RCAN2: variants seen among roughly 807,000 people sequenced by gnomAD.
RCAN2 encodes the protein calcipressin-2.
Under a neutral mutation model 23.6 loss-of-function variants are expected in RCAN2, and 9 were observed. That is an observed-to-expected ratio of 0.38 (90% CI 0.23 to 0.67). The LOEUF (loss-of-function observed/expected upper bound fraction) is 0.67. Among genes scored for constraint, RCAN2 ranks in the 30% least tolerant of loss-of-function variants. RCAN2 has a pLI of 0.51. For synonymous variants in RCAN2, 109 were observed against 115.7 expected (o/e 0.94, Z 0.37); for missense variants, 273 against 302.3 (o/e 0.90, Z 0.72).
At chr6:46,341,837 C>G (rs1764328033) in intron 2 of RCAN2, among the ~76,000 whole-genome samples, 1 of 152,054 alleles carries the variant, frequency 6.6e-6, no homozygotes, top group South Asian at 2.1e-4. Context: ...AGTCCTATAT[C>G]TTTTTTTATT....
chr6:46,412,422 G>T (rs1346535510), intron 2 of RCAN2, among the ~76,000 whole-genome samples: 1 of 152,092 alleles, frequency 6.6e-6, no homozygotes, highest in East Asian at 1.9e-4. Flanking sequence ...ATTGTGGGGG[G>T]CATCATTGGC....
At chr6:46,228,730 A>G (rs1765769489) in intron 4 of RCAN2, among the ~76,000 whole-genome samples, 1 of 152,060 alleles carries the variant, frequency 6.6e-6, no homozygotes, top group Non-Finnish European at 1.5e-5. Flanking sequence ...TCTTTATCCA[A>G]TTTGCCAGTC....
chr6:46,249,747 G>C (rs745723580), intron 2 of RCAN2, among the ~76,000 whole-genome samples: 3 of 152,042 alleles, frequency 2.0e-5, no homozygotes, highest in Non-Finnish European at 4.4e-5. Context: ...GAAAGCCCTC[G>C]AGTAATTTTT....
chr6:46,332,442 A>T (rs1201041425), intron 2 of RCAN2, among the ~76,000 whole-genome samples: 17 of 148,030 alleles, frequency 1.1e-4, no homozygotes, highest in Non-Finnish European at 1.6e-4. Flanking sequence ...TATATCTCCT[A>T]AAGTTATCCC....
intron 1 of RCAN2, among the ~76,000 whole-genome samples, chr6:46,477,153 A>G (rs1356550268): frequency 1.3e-5 from 2 of 152,198 alleles, no homozygotes; most frequent in Non-Finnish European, 2.9e-5. Context: ...GCTGTTCATC[A>G]TGTCCTTTAG....
At chr6:46,355,293 G>T (rs953355026) in intron 2 of RCAN2, among the ~76,000 whole-genome samples, 1 of 152,150 alleles carries the variant, frequency 6.6e-6, no homozygotes, top group Non-Finnish European at 1.5e-5. Flanking sequence ...TCCCCCATAG[G>T]AAGATGCAGA....
intron 1 of RCAN2, among the ~76,000 whole-genome samples, chr6:46,469,993 C>A (rs1193975197): frequency 6.6e-6 from 1 of 152,180 alleles, no homozygotes; most frequent in African/African-American, 2.4e-5. Context: ...CTTGGACTTC[C>A]TTGATCTTGG....
chr6:46,393,352 T>C (rs1471267250), intron 2 of RCAN2, among the ~76,000 whole-genome samples: 1 of 152,188 alleles, frequency 6.6e-6, no homozygotes, highest in Non-Finnish European at 1.5e-5. Flanking sequence ...GATAATATTA[T>C]TGATCCATGG....
chr6:46,402,061 A>G (rs1443445093), intron 2 of RCAN2, among the ~76,000 whole-genome samples: 1 of 152,216 alleles, frequency 6.6e-6, no homozygotes, highest in Non-Finnish European at 1.5e-5. Context: ...AGACATAAAA[A>G]ACAGTGCTTG....
At chr6:46,432,401 T>C (rs1767237851) in intron 2 of RCAN2, among the ~76,000 whole-genome samples, 1 of 152,022 alleles carries the variant, frequency 6.6e-6, no homozygotes, top group Non-Finnish European at 1.5e-5. Flanking sequence ...TTAGTAGAGA[T>C]GGAGTTTCTC....
intron 2 of RCAN2, among the ~76,000 whole-genome samples, chr6:46,405,715 C>G (rs1472658777): frequency 1.3e-5 from 2 of 152,216 alleles, no homozygotes; most frequent in Admixed American, 1.3e-4. Context: ...TAGTAGATCT[C>G]GCACCGGGGC....
intron 2 of RCAN2, among the ~76,000 whole-genome samples, chr6:46,321,344 A>G (rs1467835951): frequency 7.2e-5 from 11 of 152,180 alleles, no homozygotes; most frequent in Admixed American, 3.9e-4. Flanking sequence ...GAGGGCAGGG[A>G]CGTTTATCGA....
intron 2 of RCAN2, among the ~76,000 whole-genome samples, chr6:46,280,114 A>G (rs185527194): frequency 5.5e-4 from 83 of 152,262 alleles, no homozygotes; most frequent in African/African-American, 2.0e-3. Context: ...CCCCACACAA[A>G]GCTTGAAATA....
At chr6:46,465,205 G>T (rs906065589) in intron 1 of RCAN2, among the ~76,000 whole-genome samples, 4 of 152,080 alleles carry the variant, frequency 2.6e-5, no homozygotes, top group Non-Finnish European at 5.9e-5. Flanking sequence ...TTTTATGAGG[G>T]GTGTGAGGGT....
chr6:46,299,816 A>ACAG (rs1762845858), intron 2 of RCAN2, among the ~76,000 whole-genome samples: 1 of 152,046 alleles, frequency 6.6e-6, no homozygotes, highest in African/African-American at 2.4e-5. Context: ...GGAATACAAT[A>ACAG]TTGAACACAG....
At chr6:46,445,140 A>G (rs150265334) in intron 2 of RCAN2, among the ~76,000 whole-genome samples, 1 of 152,066 alleles carries the variant, frequency 6.6e-6, no homozygotes, top group Non-Finnish European at 1.5e-5. Context: ...CTCAGACTCA[A>G]AGACCACCCC....
At chr6:46,469,274 A>G (rs982340123) in intron 1 of RCAN2, among the ~76,000 whole-genome samples, 1 of 152,048 alleles carries the variant, frequency 6.6e-6, no homozygotes, top group Admixed American at 6.5e-5. Flanking sequence ...TTAATCTCCC[A>G]CTTCTAGTGC....
chr6:46,330,576 C>CT lies in RCAN2; in HGVS notation c.226-81681dup, dbSNP rs533169097. 1.4e-4 allele frequency among the ~76,000 whole-genome samples: 21 copies of CT among 152,306 alleles called. No individual in the cohort carries two copies. The East Asian group carries it at 3.7e-3, about 27-fold the overall frequency. ...AAACGTCCTGCCAGGGTTCAAATTTCTCCAGCTGTACTATGATGTCCTCTC... is the reference window on the plus strand; with the variant it reads ...AAACGTCCTGCCAGGGTTCAAATTTCTTCCAGCTGTACTATGATGTCCTCTC... On this transcript the variant is annotated intron_variant, in intron 2 of 4. Coordinates refer to ENST00000371374, the MANE Select transcript of RCAN2 (RefSeq NM_001251974.2).
At chr6:46,283,296 A>C (rs578014929) in intron 2 of RCAN2, among the ~76,000 whole-genome samples, 2 of 152,246 alleles carry the variant, frequency 1.3e-5, no homozygotes, top group East Asian at 3.9e-4. Flanking sequence ...AAACAACATT[A>C]GTTGGGCATG....
Sources: allele counts gnomAD v4.1 joint callset (sites outside exome capture counted in the v4.1 genomes callset), GRCh38; gene constraint gnomAD v4.1.1; transcripts MANE v1.5; gene names NCBI Gene and HGNC (gene_info 2026-07-23, HGNC 2026-07-21).